The following ARID3A variants were observed in gnomAD, a reference collection of about 807,000 sequenced individuals.
ARID3A encodes AT-rich interaction domain 3A, also known as AT-rich interactive domain-containing protein 3A.
A neutral mutation model predicts 52.7 loss-of-function variants in ARID3A; 11 were observed. The observed-to-expected ratio is 0.21, with a 90% CI of 0.13 to 0.35. The LOEUF (loss-of-function observed/expected upper bound fraction) is 0.35. Among genes scored for constraint, ARID3A ranks in the 10% least tolerant of loss-of-function variants. The pLI, the probability that ARID3A is intolerant of heterozygous loss-of-function variation, is 1.00. For synonymous variants in ARID3A, 404 were observed against 359.4 expected (o/e 1.12, Z -1.40); for missense variants, 721 against 838.5 (o/e 0.86, Z 1.73).
chr19:966,607 C>A lies in ARID3A; in HGVS notation c.1234C>A (p.Arg412Ser). ...AGCCATCCCCATCACAGTCCCTGGC[C>A]GCCTGCCTGTGTCCCTGGCGGGCCA... ...DSAIPITVPG[R>S]LPVSLAGHPV... The change falls in exon 7 of 9, where the codon CGC (arginine) becomes AGC (serine). Residue 412 changes from arginine to serine, a missense_variant. Transcript: ENST00000263620. The A allele has an allele frequency of 6.3e-7, 1 of 1,583,092 alleles. No individual in the cohort carries two copies.
chr19:934,935 C>T (rs1025363604), intron 3 of ARID3A, among the ~76,000 whole-genome samples: 5 of 152,146 alleles, frequency 3.3e-5, no homozygotes, highest in Non-Finnish European at 5.9e-5. Context: ...CTGGGCTGTT[C>T]GTGGCAGGTC....
At position 929,555 on chromosome 19, in the gene ARID3A, G is replaced by C; in HGVS notation, c.27G>C (p.Thr9=). Residue 9 remains threonine (T), a synonymous_variant, in exon 2 of 9, where the codon ACG becomes ACC. Coordinates refer to ENST00000263620, the MANE Select transcript of ARID3A (RefSeq NM_005224.3). This position sits in a 1 kb window ranked among gnomAD's most constrained non-coding sequence, Gnocchi z 6.2. MKLQAVME[T]LLQRQQRARQ... is the part of the protein sequence containing the mutation. ...TGAAACTACAGGCCGTGATGGAGAC[G>C]CTGTTGCAGCGGCAGCAGCGGGCGC... 1 of 1,521,550 alleles carries C rather than the reference G, an allele frequency of 6.6e-7. No individual in the cohort carries two copies. Among genetic ancestry groups the C allele is most frequent in the Non-Finnish European group, 8.8e-7 (1 of 1,140,810 alleles). The allele number at this position is 1,521,550 out of a possible 1,614,324, so 94.3% of individuals were successfully genotyped here. A position where few individuals can be genotyped will look rare whatever the true frequency, so the allele number is the denominator to read the frequency against.
chr19:966,715 C>T lies in ARID3A; in HGVS notation c.1342C>T (p.Gln448Ter). 6.2e-7 allele frequency: 1 copy of T among 1,612,276 alleles called. No individual in the cohort carries two copies. Among genetic ancestry groups the T allele is most frequent in the Non-Finnish European group, 8.5e-7 (1 of 1,179,636 alleles). The change falls in exon 7 of 9, where the codon CAG becomes TAG. Residue 448 changes from glutamine (Q) to a stop codon, truncating the protein, a stop_gained. Coordinates refer to ENST00000263620, the MANE Select transcript of ARID3A (RefSeq NM_005224.3). LOFTEE classifies it high-confidence loss of function. ...AVAAQAAALE[Q>*]LREKLESAEP... is the part of the protein sequence containing the mutation. ...GGCCGCACAGGCAGCTGCCCTGGAA[C>T]AGCTGCGGGAGAAGCTGGAGTCTGC...
intron 3 of ARID3A, among the ~76,000 whole-genome samples, chr19:953,640 G>A (rs1343816449): frequency 6.6e-6 from 1 of 152,242 alleles, no homozygotes; most frequent in Non-Finnish European, 1.5e-5. Context: ...AGAGGCTGAG[G>A]GGGGCTGTGG....
intron 3 of ARID3A, among the ~76,000 whole-genome samples, chr19:951,149 G>A (rs2037795930): frequency 6.6e-6 from 1 of 152,038 alleles, no homozygotes; most frequent in African/African-American, 2.4e-5. Flanking sequence ...AAGAGACGGG[G>A]TCTCGCTGTG....
In ARID3A at chr19:974,160, C is replaced by G. The variant is rs575126687; in HGVS notation, c.*2095C>G. The G allele has an allele frequency of 4.5e-6, 1 of 224,196 alleles. No individual in the cohort carries two copies. Among genetic ancestry groups the G allele is most frequent in the South Asian group, 1.8e-4 (1 of 5,454 alleles). 13.9% of individuals were successfully genotyped at this position (224,196 alleles called of 1,614,324 possible). On this transcript the variant is annotated 3_prime_UTR_variant, in exon 9 of 9. Coordinates refer to ENST00000263620, the MANE Select transcript of ARID3A (RefSeq NM_005224.3). Reference sequence around the variant, plus strand: ...CCCTGGGGAGGGGGCTGGGGGGCTTCTGAGCCCCTGAGTCTAGGTTCACTT... The same window carrying G: ...CCCTGGGGAGGGGGCTGGGGGGCTTGTGAGCCCCTGAGTCTAGGTTCACTT...
intron 3 of ARID3A, among the ~76,000 whole-genome samples, chr19:933,515 C>T (rs1293436803): frequency 6.6e-6 from 1 of 152,190 alleles, no homozygotes. Context: ...GGGGGAGCCA[C>T]CTCCTCGCCC....
In ARID3A at chr19:972,892, T is replaced by C; in HGVS notation, c.*827T>C. On this transcript the variant is annotated 3_prime_UTR_variant, in exon 9 of 9. Coordinates refer to ENST00000263620, the MANE Select transcript of ARID3A (RefSeq NM_005224.3). ...CCCTTTGTCCATTTCTGGGGGTGCGTTGGGCAGCTGTGAGCCCAGCACATC... is the reference window on the plus strand; with the variant it reads ...CCCTTTGTCCATTTCTGGGGGTGCGCTGGGCAGCTGTGAGCCCAGCACATC... The C allele has an allele frequency of 5.5e-6, 1 of 182,388 alleles. No homozygotes were observed. Among genetic ancestry groups the C allele is most frequent in the East Asian group, 8.8e-5 (1 of 11,422 alleles). The allele number at this position is 182,388 out of a possible 1,614,324, so 11.3% of individuals were successfully genotyped here.
At chr19:951,412 C>A (rs1225610170) in intron 3 of ARID3A, among the ~76,000 whole-genome samples, 1 of 151,940 alleles carries the variant, frequency 6.6e-6, no homozygotes, top group African/African-American at 2.4e-5. Context: ...CAAAAATTAG[C>A]CAGGAGTGGT....
Position 955,916 on chromosome 19 carries a change from C to A in ARID3A, c.694-4176C>A, listed in dbSNP as rs116197283. 3.9e-3 allele frequency among the ~76,000 whole-genome samples: 595 copies of A among 152,240 alleles called. 3 individuals carry two copies. Among genetic ancestry groups the A allele is most frequent in the African/African-American group, 0.014 (563 of 41,554 alleles). ...CGTCCTGGAGCCCAGAGTCCAAAAT[C>A]GAGGCGTCCGCAGGGCTGCGCTCCC... On this transcript the variant is annotated intron_variant, in intron 3 of 8. Coordinates refer to ENST00000263620, the MANE Select transcript of ARID3A (RefSeq NM_005224.3).
At chr19:968,643 C>T (rs1039061266) in intron 8 of ARID3A, 140 bp downstream of exon 8, 4 of 696,268 alleles carry the variant, frequency 5.7e-6, no homozygotes, top group African/African-American at 3.6e-5. Context: ...CTTTGCAGGA[C>T]AAACAGTCAA....
At chr19:945,528 C>T (rs907039309) in intron 3 of ARID3A, among the ~76,000 whole-genome samples, 9 of 152,174 alleles carry the variant, frequency 5.9e-5, no homozygotes, top group Admixed American at 3.3e-4. Flanking sequence ...GTGACTCCTC[C>T]GAGGCTGCTG....
chr19:926,660 A>T (rs2037206511), intron 1 of ARID3A, among the ~76,000 whole-genome samples: 1 of 149,930 alleles, frequency 6.7e-6, no homozygotes, highest in Non-Finnish European at 1.5e-5. Context: ...CCCCCGGGGG[A>T]GACACCGCGG....
In ARID3A at chr19:964,395, C is replaced by T. The variant is rs1482658281; in HGVS notation, c.914C>T (p.Thr305Met). Residue 305 changes from threonine (T) to methionine (M), a missense_variant, in exon 5 of 9, where the codon ACG becomes ATG. Thr to Met is a moderately conservative substitution (Grantham distance 81). Around this residue, in one of 5 missense-constraint regions of ARID3A, gnomAD observed 43 missense variants for 143.7 expected, o/e 0.30. Transcript: ENST00000263620. The surrounding 1 kb of genome is among the most constrained non-coding windows in gnomAD (Gnocchi z 5.7). ...REITKGLNLPTSITSAAFTLR... is the reference protein window; with the variant it reads ...REITKGLNLPMSITSAAFTLR... ...ATCACCAAGGGCCTCAACCTGCCCA[C>T]GTCCATCACCAGTGCAGCCTTCACC... 3.1e-6 allele frequency: 5 copies of T among 1,610,228 alleles called. No homozygotes were observed. The highest frequency in any genetic ancestry group is 3.4e-6 in the Non-Finnish European group (4 of 1,178,150).
intron 8 of ARID3A, among the ~76,000 whole-genome samples, chr19:969,167 T>A (rs1185760622): frequency 6.6e-6 from 1 of 152,188 alleles, no homozygotes; most frequent in Non-Finnish European, 1.5e-5. Context: ...GGTATATATA[T>A]TTATGGGTTT....
intron 8 of ARID3A, among the ~76,000 whole-genome samples, chr19:969,510 C>T (rs9676801): frequency 6.6e-6 from 1 of 151,646 alleles, no homozygotes; most frequent in Non-Finnish European, 1.5e-5. Flanking sequence ...GCACTCCAGC[C>T]TGGGTGAAAG....
Position 929,413 on chromosome 19 carries a change from C to A in ARID3A, c.-116C>A. 1 of 1,129,024 alleles carries A rather than the reference C, an allele frequency of 8.9e-7. No homozygotes were observed. Among genetic ancestry groups the A allele is most frequent in the South Asian group, 1.9e-5 (1 of 51,490 alleles). The allele number at this position is 1,129,024 out of a possible 1,614,324, so 69.9% of individuals were successfully genotyped here. A position where few individuals can be genotyped will look rare whatever the true frequency, so the allele number is the denominator to read the frequency against. On this transcript the variant is annotated 5_prime_UTR_variant, in exon 2 of 9. Transcript: ENST00000263620. The surrounding 1 kb of genome is among the most constrained non-coding windows in gnomAD (Gnocchi z 6.2). ...CTGCACTGCCCCGGCTCCCCCGCGG[C>A]CCCCACGCTGCAGTGCGGCCGGGCC...
chr19:957,076 C>T lies in ARID3A; in HGVS notation c.694-3016C>T, dbSNP rs567782837. On this transcript the variant is annotated intron_variant, in intron 3 of 8. Transcript: ENST00000263620. Reference sequence around the variant, plus strand: ...GAACTCCGCTTTCTAATTATCCCTGCCGGCTTTCCCCCACCCTGCCCGCCC... The same window carrying T: ...GAACTCCGCTTTCTAATTATCCCTGTCGGCTTTCCCCCACCCTGCCCGCCC... Among the ~76,000 whole-genome samples the T allele has an allele frequency of 2.0e-5, 3 of 149,628 alleles. No homozygotes were observed. The East Asian group carries it at 6.0e-4, about 30-fold the overall frequency.
rs143073569 is a variant in ARID3A, at chr19:966,607, C to T, written c.1234C>T (p.Arg412Cys). The T allele has an allele frequency of 8.5e-5, 134 of 1,582,974 alleles. No individual in the cohort carries two copies. The highest frequency in any genetic ancestry group is 1.7e-4 in the Middle Eastern group (1 of 5,932). ...DSAIPITVPG[R>C]LPVSLAGHPV... Reference sequence around the variant, plus strand: ...AGCCATCCCCATCACAGTCCCTGGCCGCCTGCCTGTGTCCCTGGCGGGCCA... The same window carrying T: ...AGCCATCCCCATCACAGTCCCTGGCTGCCTGCCTGTGTCCCTGGCGGGCCA... The change falls in exon 7 of 9, where the codon CGC becomes TGC. Residue 412 changes from arginine (R) to cysteine (C), a missense_variant. This residue lies in a region of ARID3A where 297 missense variants were observed against 343.2 expected (regional missense o/e 0.87). Transcript: ENST00000263620.
Sources: allele counts gnomAD v4.1 joint callset (sites outside exome capture counted in the v4.1 genomes callset), GRCh38; gene constraint gnomAD v4.1.1; regional missense constraint gnomAD v4.1.1; non-coding constraint Gnocchi (gnomAD v3.1); transcripts MANE v1.5; gene names NCBI Gene and HGNC (gene_info 2026-07-23, HGNC 2026-07-21).